The following SLC23A2 variants were observed in gnomAD, a reference collection of about 807,000 sequenced individuals.
SLC23A2 encodes the protein solute carrier family 23 member 2, also known as Na(+)/L-ascorbic acid transporter 2.
In SLC23A2, 36 loss-of-function variants were observed where a neutral mutation model predicts 73.3. The ratio of observed to expected loss-of-function variants is 0.49; its 90% CI spans 0.38 to 0.65. The LOEUF (loss-of-function observed/expected upper bound fraction) is 0.65. Among genes scored for constraint, SLC23A2 ranks in the 30% least tolerant of loss-of-function variants. The probability of loss-of-function intolerance (pLI) is 0.00; values close to 1 mark genes in which losing one functional copy is unlikely to be tolerated. For missense variants in SLC23A2, 507 were observed against 841.6 expected, an observed-to-expected ratio of 0.60 and a Z score of 4.92; for synonymous variants, 343 against 327.3, an observed-to-expected ratio of 1.05 and a Z score of -0.52.
intron 1 of SLC23A2, among the ~76,000 whole-genome samples, chr20:4,984,420 G>A (rs1054033875): frequency 6.6e-6 from 1 of 152,094 alleles, no homozygotes; most frequent in Non-Finnish European, 1.5e-5. Flanking sequence ...CGGGCATGGT[G>A]GTGGGCGCCT....
chr20:4,944,955 T>G (rs981786405), intron 2 of SLC23A2, among the ~76,000 whole-genome samples: 1 of 151,618 alleles, frequency 6.6e-6, no homozygotes. Flanking sequence ...GCCCTCAACT[T>G]GTAGGTGTGG....
intron 5 of SLC23A2, among the ~76,000 whole-genome samples, chr20:4,900,775 A>AG (rs779743942): frequency 5.1e-4 from 77 of 152,044 alleles, no homozygotes; most frequent in Middle Eastern, 6.8e-3. Context: ...TAGCCCTGGT[A>AG]GGATAGTCCC....
intron 3 of SLC23A2, among the ~76,000 whole-genome samples, chr20:4,925,789 T>C (rs1258314782): frequency 6.6e-6 from 1 of 152,174 alleles, no homozygotes; most frequent in Non-Finnish European, 1.5e-5. Flanking sequence ...AGGCCTTCAG[T>C]CTCCCTCCTC....
intron 2 of SLC23A2, among the ~76,000 whole-genome samples, chr20:4,939,379 C>T (rs76344397): frequency 0.037 from 5,628 of 152,252 alleles, 166 homozygotes; most frequent in South Asian, 0.11. Context: ...GGGGTGTCAA[C>T]GTCACCACCA....
intron 6 of SLC23A2, among the ~76,000 whole-genome samples, chr20:4,890,739 T>C (rs148951001): frequency 1.3e-3 from 201 of 152,270 alleles, no homozygotes; most frequent in African/African-American, 4.6e-3. Flanking sequence ...CATCCATCCA[T>C]CCATCCATCG....
At chr20:4,882,955 T>C (rs1433524156) in intron 9 of SLC23A2, among the ~76,000 whole-genome samples, 2 of 152,162 alleles carry the variant, frequency 1.3e-5, no homozygotes, top group African/African-American at 2.4e-5. Flanking sequence ...TGCAGACACA[T>C]AGAGAATGTG....
intron 3 of SLC23A2, among the ~76,000 whole-genome samples, chr20:4,915,514 C>T (rs1014476357): frequency 2.0e-5 from 3 of 152,142 alleles, no homozygotes; most frequent in Admixed American, 1.3e-4. Flanking sequence ...AAAATCCTAG[C>T]AGTACAGCTT....
chr20:4,978,723 T>TAGTA (rs1021089527), intron 1 of SLC23A2, among the ~76,000 whole-genome samples: 15 of 152,276 alleles, frequency 9.9e-5, no homozygotes, highest in African/African-American at 3.6e-4. Flanking sequence ...AGGGCACATG[T>TAGTA]AGTACCTATT....
chr20:4,986,884 T>C (rs1461388119), intron 1 of SLC23A2, among the ~76,000 whole-genome samples: 1 of 151,848 alleles, frequency 6.6e-6, no homozygotes, highest in Non-Finnish European at 1.5e-5. Context: ...CCAGAAAAAG[T>C]ATATTTGACC....
At chr20:4,924,126 C>T (rs1023912974) in intron 3 of SLC23A2, among the ~76,000 whole-genome samples, 4 of 152,150 alleles carry the variant, frequency 2.6e-5, no homozygotes, top group African/African-American at 9.7e-5. Flanking sequence ...GTCCTGCTCA[C>T]CTCCTGCCTG....
At chr20:4,985,737 T>C (rs940343120) in intron 1 of SLC23A2, among the ~76,000 whole-genome samples, 1 of 152,104 alleles carries the variant, frequency 6.6e-6, no homozygotes, top group Admixed American at 6.6e-5. Context: ...CATGAGCCAC[T>C]GTGCCTGGCC....
At chr20:5,004,391 C>A (rs1462096176), upstream of SLC23A2, among the ~76,000 whole-genome samples, 1 of 152,136 alleles carries the variant, frequency 6.6e-6, no homozygotes, top group Admixed American at 6.6e-5. Flanking sequence ...AGATACTGAC[C>A]CTCACTGGCT....
chr20:4,922,965 CT>C (rs1476392395), intron 3 of SLC23A2, among the ~76,000 whole-genome samples: 2 of 152,134 alleles, frequency 1.3e-5, no homozygotes, highest in Non-Finnish European at 2.9e-5. Flanking sequence ...AATTGTGTGT[CT>C]CCCAACTATT....
chr20:4,925,478 C>A (rs770593508), intron 3 of SLC23A2, among the ~76,000 whole-genome samples: 1 of 152,146 alleles, frequency 6.6e-6, no homozygotes, highest in Non-Finnish European at 1.5e-5. Flanking sequence ...AATTCCAGGA[C>A]AGAGCCTCAC....
Position 4,854,672 on chromosome 20 carries a change from G to T in SLC23A2, c.*2300C>A, listed in dbSNP as rs898299304. On this transcript the variant is annotated 3_prime_UTR_variant, in exon 17 of 17. Coordinates refer to ENST00000338244, the MANE Select transcript of SLC23A2 (RefSeq NM_005116.6). ...TACAGAGGGCACCCCACATGTTAGCGGGGTTGAATCCTCCTGATACAACCC... is the reference window on the plus strand; with the variant it reads ...TACAGAGGGCACCCCACATGTTAGCTGGGTTGAATCCTCCTGATACAACCC... 1 of 152,154 alleles carries T rather than the reference G, an allele frequency of 6.6e-6. No homozygotes were observed. The highest frequency in any genetic ancestry group is 1.5e-5 in the Non-Finnish European group (1 of 68,052). 9.4% of individuals were successfully genotyped at this position (152,154 alleles called of 1,614,324 possible).
Position 4,893,571 on chromosome 20 carries a change from T to A in SLC23A2, c.482+5984A>T, listed in dbSNP as rs377406253. Among the ~76,000 whole-genome samples, 25 of 152,254 alleles carry A rather than the reference T, an allele frequency of 1.6e-4. 1 individual carries two copies. In the East Asian group the frequency reaches 3.3e-3, roughly 20 times the overall value. ...TCCTGGAGCCACCCCTTGTACTCAA[T>A]GAGCACATATCATGGACAAGGTTCC... On this transcript the variant is annotated intron_variant, in intron 6 of 16. Transcript: ENST00000338244.
chr20:4,856,924 C>A lies in SLC23A2; in HGVS notation c.*48G>T. ...TTACTTCTTGTTACTCAGCAAGGAACTACAGATACATGCCTCACTGCGGCC... is the reference window on the plus strand; with the variant it reads ...TTACTTCTTGTTACTCAGCAAGGAAATACAGATACATGCCTCACTGCGGCC... On this transcript the variant is annotated 3_prime_UTR_variant, in exon 17 of 17. Transcript: ENST00000338244. The surrounding 1 kb of genome is among the most constrained non-coding windows in gnomAD (Gnocchi z 4.6). The A allele has an allele frequency of 8.3e-7, 1 of 1,198,180 alleles. No individual in the cohort carries two copies. Among genetic ancestry groups the A allele is most frequent in the South Asian group, 1.2e-5 (1 of 80,144 alleles). The allele number at this position is 1,198,180 out of a possible 1,614,324, so 74.2% of individuals were successfully genotyped here. A position where few individuals can be genotyped will look rare whatever the true frequency, so the allele number is the denominator to read the frequency against.
intron 3 of SLC23A2, among the ~76,000 whole-genome samples, chr20:4,929,605 T>C (rs1932763370): frequency 6.6e-6 from 1 of 152,202 alleles, no homozygotes. Context: ...ATATAGTATA[T>C]CAGGGTTCCC....
At chr20:4,875,998 C>A (rs1050030599) in intron 9 of SLC23A2, among the ~76,000 whole-genome samples, 1 of 152,138 alleles carries the variant, frequency 6.6e-6, no homozygotes, top group Admixed American at 6.6e-5. Flanking sequence ...CCACGGGTCT[C>A]CCTGCCTACT....
Sources: allele counts gnomAD v4.1 joint callset (sites outside exome capture counted in the v4.1 genomes callset), GRCh38; gene constraint gnomAD v4.1.1; non-coding constraint Gnocchi (gnomAD v3.1); transcripts MANE v1.5; gene names NCBI Gene and HGNC (gene_info 2026-07-23, HGNC 2026-07-21).